The following SIGLEC14 variants were observed in gnomAD, a reference collection of about 807,000 sequenced individuals.
SIGLEC14 encodes the protein sialic acid binding Ig like lectin 14, also known as sialic acid-binding Ig-like lectin 14.
SIGLEC14 carries 11 observed loss-of-function variants against 34.2 expected under a neutral mutation model. That is an observed-to-expected ratio of 0.32 (90% CI 0.20 to 0.53). SIGLEC14 has a LOEUF of 0.53. Among genes scored for constraint, SIGLEC14 ranks in the 20% least tolerant of loss-of-function variants. The pLI is 0.95. For missense variants in SIGLEC14, 264 were observed against 439.0 expected, an observed-to-expected ratio of 0.60 and a Z score of 3.56; for synonymous variants, 99 against 179.7, an observed-to-expected ratio of 0.55 and a Z score of 3.59.
Position 51,646,819 on chromosome 19 carries a change from T to A in SIGLEC14, c.-60A>T, listed in dbSNP as rs1296677189. The A allele has an allele frequency of 9.1e-6, 5 of 547,294 alleles. No individual in the cohort carries two copies. The highest frequency in any genetic ancestry group is 1.6e-5 in the Non-Finnish European group (5 of 311,846). The allele number at this position is 547,294 out of a possible 1,614,324, so 33.9% of individuals were successfully genotyped here. A position where few individuals can be genotyped will look rare whatever the true frequency, so the allele number is the denominator to read the frequency against. On this transcript the variant is annotated 5_prime_UTR_variant, in exon 1 of 7. Coordinates refer to ENST00000360844, the MANE Select transcript of SIGLEC14 (RefSeq NM_001098612.3). The stretch of plus-strand genomic sequence containing the variant: ...GTCCGGCTGTCAGGGAAGGAAATGC[T>A]CCAAATGTCCAAACGTGGGGTGGGG...
rs75898095 is a variant in SIGLEC14, at chr19:51,640,390, A to G, written c.*2965T>C. On this transcript the variant is annotated 3_prime_UTR_variant, in exon 7 of 7. Coordinates refer to ENST00000360844, the MANE Select transcript of SIGLEC14 (RefSeq NM_001098612.3). ...CTAAAATTCTAATACAACTCCTTCC[A>G]TCTTTCTGGACTGAGAAACAAGGGA... is the stretch of plus-strand genomic sequence containing the variant. 0.051 allele frequency among the ~76,000 whole-genome samples: 7,068 copies of G among 138,986 alleles called. 1,157 individuals are homozygous for G. Among genetic ancestry groups the G allele is most frequent in the South Asian group, 0.14 (569 of 4,096 alleles). 91.2% of individuals were successfully genotyped at this position (138,986 alleles called of 152,430 possible). A position where few individuals can be genotyped will look rare whatever the true frequency, so the allele number is the denominator to read the frequency against.
At position 51,646,636 on chromosome 19, in the gene SIGLEC14, G is replaced by A; in HGVS notation, c.42C>T (p.Ser14=). 1 of 544,924 alleles carries A rather than the reference G, an allele frequency of 1.8e-6. No individual in the cohort carries two copies. Among genetic ancestry groups the A allele is most frequent in the South Asian group, 2.1e-5 (1 of 47,276 alleles). 33.8% of individuals were successfully genotyped at this position (544,924 alleles called of 1,614,324 possible). ...LLLLPLLWGG[S]LQEKPVYELQ... Reference sequence around the variant, plus strand: ...GCTCGTACACTGGCTTCTCCTGCAGGGACCCTGGGGGGACACAGAAGCTCA... The same window carrying A: ...GCTCGTACACTGGCTTCTCCTGCAGAGACCCTGGGGGGACACAGAAGCTCA... The change falls in exon 2 of 7, where the codon TCC becomes TCT. Residue 14 remains serine, a synonymous_variant. Transcript: ENST00000360844.
At position 51,644,212 on chromosome 19, in the gene SIGLEC14, G is replaced by A. The variant is rs1366116428; in HGVS notation, c.755-176C>T. 1.4e-5 allele frequency among the ~76,000 whole-genome samples: 2 copies of A among 138,580 alleles called. 1 individual carries two copies. The highest frequency in any genetic ancestry group is 3.1e-5 in the Non-Finnish European group (2 of 64,822). The allele number at this position is 138,580 out of a possible 152,430, so 90.9% of individuals were successfully genotyped here. On this transcript the variant is annotated intron_variant, in intron 4 of 6. Transcript: ENST00000360844. The stretch of plus-strand genomic sequence containing the variant: ...AGGTCAGGCTACCAGAAAGAAGGTG[G>A]CTGAGCTGAGAAAAGACAGATGAGG...
chr19:51,646,645 G>C lies in SIGLEC14; in HGVS notation c.38-5C>G. ...CTGGCTTCTCCTGCAGGGACCCTGG[G>C]GGGACACAGAAGCTCAGCTGCAGCT... On this transcript the variant is annotated splice_polypyrimidine_tract_variant and splice_region_variant and intron_variant, in intron 1 of 6. Coordinates refer to ENST00000360844, the MANE Select transcript of SIGLEC14 (RefSeq NM_001098612.3). 5.5e-6 allele frequency: 3 copies of C among 549,712 alleles called. No individual in the cohort carries two copies. Among genetic ancestry groups the C allele is most frequent in the Non-Finnish European group, 8.8e-6 (3 of 340,058 alleles). 34.1% of individuals were successfully genotyped at this position (549,712 alleles called of 1,614,324 possible).
rs879678813 is a variant in SIGLEC14 at position 51,645,720 on chromosome 19, ACACACACC to A, written c.700+54_700+61del. On this transcript the variant is annotated intron_variant, in intron 3 of 6. Coordinates refer to ENST00000360844, the MANE Select transcript of SIGLEC14 (RefSeq NM_001098612.3). ...CTTCTACACACACACACACACACACACACACACCCCCCTCACTCCCACTGCCCTTGGGG... is the reference window on the plus strand; with the variant it reads ...CTTCTACACACACACACACACACACACCCCTCACTCCCACTGCCCTTGGGG... 11,913 of 1,351,648 alleles carry A rather than the reference ACACACACC, an allele frequency of 8.8e-3. 1,107 individuals carry two copies. Among genetic ancestry groups the A allele is most frequent in the Middle Eastern group, 0.015 (72 of 4,682 alleles). 83.7% of individuals were successfully genotyped at this position (1,351,648 alleles called of 1,614,324 possible). A position where few individuals can be genotyped will look rare whatever the true frequency, so the allele number is the denominator to read the frequency against.
chr19:51,645,966 C>T lies in SIGLEC14; in HGVS notation c.516G>A (p.Ala172=), dbSNP rs201883294. Residue 172 remains alanine, a synonymous_variant, in exon 3 of 7, where the codon GCG becomes GCA. Coordinates refer to ENST00000360844, the MANE Select transcript of SIGLEC14 (RefSeq NM_001098612.3). The stretch of plus-strand genomic sequence containing the variant: ...TCCAGGAGAATGTGAGAGGTGGTCC[C>T]GCTTCACAGGATCCTGGAAGGCTGC... ...LSCSLPGSCE[A]GPPLTFSWTG... 1,711 of 1,407,876 alleles carry T rather than the reference C, an allele frequency of 1.2e-3. 220 individuals carry two copies. The Admixed American group carries it at 0.034, about 28-fold the overall frequency. The allele number at this position is 1,407,876 out of a possible 1,614,324, so 87.2% of individuals were successfully genotyped here.
Position 51,643,530 on chromosome 19 carries a change from G to A in SIGLEC14, c.1148+7C>T, listed in dbSNP as rs1298032341. The A allele has an allele frequency of 1.3e-5, 20 of 1,485,224 alleles. 3 individuals are homozygous for A. Among genetic ancestry groups the A allele is most frequent in the South Asian group, 2.5e-5 (2 of 80,812 alleles). 92.0% of individuals were successfully genotyped at this position (1,485,224 alleles called of 1,614,324 possible). Reference sequence around the variant, plus strand: ...GGAGCTTCCTGGAGACAGGCAGTCCGGCTCACCTGGTATAGTAGATCCAGG... The same window carrying A: ...GGAGCTTCCTGGAGACAGGCAGTCCAGCTCACCTGGTATAGTAGATCCAGG... On this transcript the variant is annotated splice_region_variant and intron_variant, in intron 6 of 6. Transcript: ENST00000360844.
intron 4 of SIGLEC14, among the ~76,000 whole-genome samples, chr19:51,644,988 C>G (rs2864906): frequency 0.55 from 75,052 of 135,302 alleles, 26,056 homozygotes; most frequent in South Asian, 0.74. Context: ...CAGAGGACAT[C>G]GGAGCAGGCA....
At chr19:51,645,364 A>G (rs4544342) in intron 4 of SIGLEC14, 113 bp downstream of exon 4, 360,038 of 972,290 alleles carry the variant, frequency 0.37, 88,991 homozygotes, top group South Asian at 0.45. Context: ...GGGAGCAGGA[A>G]GGACCCAGAC....
Position 51,643,346 on chromosome 19 carries a change from G to A in SIGLEC14, c.*9C>T, listed in dbSNP as rs764221159. On this transcript the variant is annotated 3_prime_UTR_variant, in exon 7 of 7. Coordinates refer to ENST00000360844, the MANE Select transcript of SIGLEC14 (RefSeq NM_001098612.3). ...TCCACACCTCAGTTCTGTCTTGAGCGGGAGGGGCTCAGCCAGGCCTCTCAG... is the reference window on the plus strand; with the variant it reads ...TCCACACCTCAGTTCTGTCTTGAGCAGGAGGGGCTCAGCCAGGCCTCTCAG... 16 of 1,524,636 alleles carry A rather than the reference G, an allele frequency of 1.0e-5. 2 individuals are homozygous for A. Among genetic ancestry groups the A allele is most frequent in the South Asian group, 3.6e-5 (3 of 82,954 alleles). 94.4% of individuals were successfully genotyped at this position (1,524,636 alleles called of 1,614,324 possible). A position where few individuals can be genotyped will look rare whatever the true frequency, so the allele number is the denominator to read the frequency against.
intron 6 of SIGLEC14, 54 bp downstream of exon 6, chr19:51,643,483 G>GGGGGGGGGGGGGGGGCCCCCCCCCCC: frequency 3.1e-6 from 4 of 1,297,884 alleles, no homozygotes; most frequent in African/African-American, 1.8e-5. Flanking sequence ...GGGCAGGACA[G>GGGGGGGGGGGGGGGGCCCCCCCCCCC]CTCAGCCCCA....
In SIGLEC14 at chr19:51,644,149, G is replaced by A; in HGVS notation, c.755-113C>T. The A allele has an allele frequency of 7.4e-6, 9 of 1,210,550 alleles. 1 individual carries two copies. Among genetic ancestry groups the A allele is most frequent in the Non-Finnish European group, 9.8e-6 (9 of 916,684 alleles). 75.0% of individuals were successfully genotyped at this position (1,210,550 alleles called of 1,614,324 possible). ...AGACTGTGTGGTGAGTGCTGAGAAT[G>A]GGCTAGTCATGGGTGAAAGGATGAG... On this transcript the variant is annotated intron_variant, in intron 4 of 6. Transcript: ENST00000360844.
chr19:51,645,296 G>A (rs1984006794), intron 4 of SIGLEC14, among the ~76,000 whole-genome samples, 181 bp downstream of exon 4: 1 of 138,970 alleles, frequency 7.2e-6, no homozygotes. Context: ...AAAGGGAGAA[G>A]CCAAAAGAAA....
rs545593909 is a variant in SIGLEC14, at chr19:51,645,635, C to A, written c.701-105G>T. On this transcript the variant is annotated intron_variant, in intron 3 of 6. Transcript: ENST00000360844. ...CCACAGAAACCCACCAGGTGGGGACCGCTGTCCTTCCTGCCCACACACGAG... is the reference window on the plus strand; with the variant it reads ...CCACAGAAACCCACCAGGTGGGGACAGCTGTCCTTCCTGCCCACACACGAG... The A allele has an allele frequency of 5.5e-6, 8 of 1,445,740 alleles. 2 individuals are homozygous for A. Among genetic ancestry groups the A allele is most frequent in the African/African-American group, 3.1e-5 (2 of 64,438 alleles). The allele number at this position is 1,445,740 out of a possible 1,614,324, so 89.6% of individuals were successfully genotyped here.
rs1378410057 is a variant in SIGLEC14 at position 51,640,223 on chromosome 19, A to G, written c.*3132T>C. 2.1e-5 allele frequency among the ~76,000 whole-genome samples: 3 copies of G among 139,630 alleles called. No individual in the cohort carries two copies. Among genetic ancestry groups the G allele is most frequent in the African/African-American group, 8.1e-5 (3 of 36,830 alleles). 91.6% of individuals were successfully genotyped at this position (139,630 alleles called of 152,430 possible). On this transcript the variant is annotated 3_prime_UTR_variant, in exon 7 of 7. Coordinates refer to ENST00000360844, the MANE Select transcript of SIGLEC14 (RefSeq NM_001098612.3). The stretch of plus-strand genomic sequence containing the variant: ...AATCCTTACAAGTTATAAGCTTTGA[A>G]TGGGGAAAAAAAACTACTTGGGAAA...
In SIGLEC14 at chr19:51,639,846, A is replaced by T. The variant is rs138396649; in HGVS notation, c.*3509T>A. On this transcript the variant is annotated 3_prime_UTR_variant, in exon 7 of 7. Coordinates refer to ENST00000360844, the MANE Select transcript of SIGLEC14 (RefSeq NM_001098612.3). ...CATATAGAAAAAAAGCAAATATTGC[A>T]CTCTCTTTGCTACATGCACTTAGGG... The T allele has an allele frequency of 1.4e-5, 2 of 139,760 alleles. 1 individual carries two copies. The highest frequency in any genetic ancestry group is 6.5e-4 in the East Asian group (2 of 3,062). 8.7% of individuals were successfully genotyped at this position (139,760 alleles called of 1,614,324 possible).
rs1321427623 is a variant in SIGLEC14, at chr19:51,642,521, A to G, written c.*834T>C. The G allele has an allele frequency of 7.3e-6, 1 of 137,644 alleles. No homozygotes were observed. Among genetic ancestry groups the G allele is most frequent in the African/African-American group, 2.8e-5 (1 of 36,160 alleles). The allele number at this position is 137,644 out of a possible 1,614,324, so 8.5% of individuals were successfully genotyped here. A position where few individuals can be genotyped will look rare whatever the true frequency, so the allele number is the denominator to read the frequency against. ...TGTCTCAAAGAAAAAAAAAAAAGAC[A>G]TAATTTTTGTCTACAAACTCTCACA... On this transcript the variant is annotated 3_prime_UTR_variant, in exon 7 of 7. Coordinates refer to ENST00000360844, the MANE Select transcript of SIGLEC14 (RefSeq NM_001098612.3).
At chr19:51,643,479 G>GGGGGGGGGGGGGGGGGGC in intron 6 of SIGLEC14, 58 bp downstream of exon 6, 1 of 1,296,398 alleles carries the variant, frequency 7.7e-7, no homozygotes, top group Non-Finnish European at 1.0e-6. Context: ...CCTGGGGCAG[G>GGGGGGGGGGGGGGGGGGC]ACAGCTCAGC....
rs1312805668 is a variant in SIGLEC14 at position 51,639,855 on chromosome 19, G to T, written c.*3500C>A. The T allele has an allele frequency of 4.3e-5, 6 of 139,196 alleles. No homozygotes were observed. The highest frequency in any genetic ancestry group is 2.1e-4 in the Admixed American group (3 of 14,430). 8.6% of individuals were successfully genotyped at this position (139,196 alleles called of 1,614,324 possible). A position where few individuals can be genotyped will look rare whatever the true frequency, so the allele number is the denominator to read the frequency against. ...AAAAAGCAAATATTGCACTCTCTTT[G>T]CTACATGCACTTAGGGAAATTAAAA... On this transcript the variant is annotated 3_prime_UTR_variant, in exon 7 of 7. Coordinates refer to ENST00000360844, the MANE Select transcript of SIGLEC14 (RefSeq NM_001098612.3).
Sources: gnomAD v4.1 joint callset for allele counts (sites outside exome capture counted in the v4.1 genomes callset) on GRCh38, gnomAD v4.1.1 for gene constraint, MANE v1.5 for transcripts, NCBI Gene and HGNC (gene_info 2026-07-23, HGNC 2026-07-21) for gene names.